Variants in ARID5B observed in about 807,000 individuals in gnomAD.
ARID5B encodes the protein AT-rich interactive domain-containing protein 5B.
In ARID5B, 13 loss-of-function variants were observed where a neutral mutation model predicts 97.2. The observed-to-expected ratio is 0.13, with a 90% CI of 0.09 to 0.21. The LOEUF is 0.21. Among genes scored for constraint, ARID5B ranks in the 10% least tolerant of loss-of-function variants. The pLI is 1.00. For synonymous variants in ARID5B, 556 were observed against 570.3 expected, an observed-to-expected ratio of 0.97 and a Z score of 0.36; for missense variants, 1,210 against 1,465.3, an observed-to-expected ratio of 0.83 and a Z score of 2.84.
At chr10:61,916,209 C>G (rs908047425) in intron 2 of ARID5B, among the ~76,000 whole-genome samples, 2 of 152,076 alleles carry the variant, frequency 1.3e-5, no homozygotes, top group African/African-American at 2.4e-5. Context: ...AGGTGCCACC[C>G]CACCCAGCTA....
chr10:62,077,836 T>C (rs1214694644), intron 8 of ARID5B, among the ~76,000 whole-genome samples: 2 of 152,198 alleles, frequency 1.3e-5, no homozygotes, highest in Non-Finnish European at 2.9e-5. Context: ...TGCACAAACA[T>C]CTTTTCAGTT....
At chr10:61,904,848 C>T (rs1160894780) in intron 2 of ARID5B, among the ~76,000 whole-genome samples, 3 of 152,184 alleles carry the variant, frequency 2.0e-5, no homozygotes, top group Admixed American at 2.0e-4. Flanking sequence ...AAATGTAAAG[C>T]AGGTAGAAAG....
intron 3 of ARID5B, among the ~76,000 whole-genome samples, chr10:61,943,418 ACTC>A (rs1844446750): frequency 1.3e-5 from 2 of 151,644 alleles, no homozygotes; most frequent in Non-Finnish European, 2.9e-5. Flanking sequence ...AACCCTTCCA[ACTC>A]CTCATTGTTC....
Position 61,901,964 on chromosome 10 carries a change from G to T in ARID5B, c.22-195G>T, listed in dbSNP as rs560933175. On this transcript the variant is annotated intron_variant, in intron 1 of 9. Coordinates refer to ENST00000279873, the MANE Select transcript of ARID5B (RefSeq NM_032199.3). Reference sequence around the variant, plus strand: ...GGAGGTGGGTAGAAGTGGCGGTGGGGGGCCCTGAGTTTTTTTTTTTTTTTT... The same window carrying T: ...GGAGGTGGGTAGAAGTGGCGGTGGGTGGCCCTGAGTTTTTTTTTTTTTTTT... 1.4e-4 allele frequency among the ~76,000 whole-genome samples: 21 copies of T among 147,206 alleles called. 1 individual carries two copies. The East Asian group carries it at 2.6e-3, about 18-fold the overall frequency.
intron 4 of ARID5B, among the ~76,000 whole-genome samples, chr10:62,034,479 C>T (rs1839536624): frequency 6.6e-6 from 1 of 152,190 alleles, no homozygotes; most frequent in Non-Finnish European, 1.5e-5. Flanking sequence ...ACATGTTTAG[C>T]TAATGGGTTA....
intron 4 of ARID5B, among the ~76,000 whole-genome samples, chr10:62,037,459 C>T (rs1839580705): frequency 1.3e-5 from 2 of 152,200 alleles, no homozygotes; most frequent in Non-Finnish European, 2.9e-5. Context: ...TCTGCGAAAT[C>T]GGCATAAGAT....
At chr10:62,052,955 T>G (rs1194529841) in intron 5 of ARID5B, among the ~76,000 whole-genome samples, 2 of 152,184 alleles carry the variant, frequency 1.3e-5, no homozygotes, top group Non-Finnish European at 2.9e-5. Context: ...CTGCTTCCAG[T>G]GGGTCTGGCA....
intron 3 of ARID5B, among the ~76,000 whole-genome samples, chr10:61,940,812 G>T (rs1322004257): frequency 6.7e-6 from 1 of 149,856 alleles, no homozygotes; most frequent in Non-Finnish European, 1.5e-5. Context: ...GAGGAAAAGG[G>T]ATGAGTTCCT....
At chr10:61,940,841 C>T (rs1024038378) in intron 3 of ARID5B, among the ~76,000 whole-genome samples, 1 of 142,298 alleles carries the variant, frequency 7.0e-6, no homozygotes, top group East Asian at 2.1e-4. Context: ...AGCAAGAGAA[C>T]AATGTCAAGC....
intron 3 of ARID5B, among the ~76,000 whole-genome samples, chr10:61,948,082 G>A (rs1346830795): frequency 6.6e-6 from 1 of 152,166 alleles, no homozygotes; most frequent in Non-Finnish European, 1.5e-5. Context: ...AGATGTCAGG[G>A]CAGAAGTAGA....
chr10:61,970,300 A>T (rs538234082), intron 3 of ARID5B, among the ~76,000 whole-genome samples: 2 of 152,258 alleles, frequency 1.3e-5, no homozygotes, highest in Non-Finnish European at 1.5e-5. Flanking sequence ...AGCCTTTGGC[A>T]TATGGTCTTT....
At chr10:61,957,143 A>G (rs2132817427) in intron 3 of ARID5B, among the ~76,000 whole-genome samples, 1 of 152,370 alleles carries the variant, frequency 6.6e-6, no homozygotes, top group African/African-American at 2.4e-5. Flanking sequence ...GCTATTGGGC[A>G]TCTGAAATGT....
intron 3 of ARID5B, among the ~76,000 whole-genome samples, chr10:61,969,964 A>G (rs775000896): frequency 2.6e-5 from 4 of 152,232 alleles, no homozygotes; most frequent in Non-Finnish European, 4.4e-5. Flanking sequence ...AGTTTTTAGC[A>G]TATGTTATGG....
chr10:62,047,932 C>T (rs571278713), intron 4 of ARID5B, among the ~76,000 whole-genome samples: 2 of 152,196 alleles, frequency 1.3e-5, no homozygotes, highest in East Asian at 1.9e-4. Flanking sequence ...GTGTTCCATT[C>T]CCCCCACCCC....
intron 3 of ARID5B, among the ~76,000 whole-genome samples, chr10:61,970,958 T>A (rs538768280): frequency 1.8e-3 from 267 of 145,192 alleles, no homozygotes; most frequent in Non-Finnish European, 3.2e-3. Flanking sequence ...GGAGGGGTAT[T>A]AGTTTGCTTT....
intron 9 of ARID5B, 130 bp from the exon 10 acceptor site, chr10:62,090,732 A>T: frequency 8.5e-7 from 1 of 1,178,518 alleles, no homozygotes; most frequent in Non-Finnish European, 1.2e-6. Context: ...ATAAAGCTTT[A>T]CAGAAACTTC....
At chr10:62,052,373 G>T (rs186352269) in intron 5 of ARID5B, among the ~76,000 whole-genome samples, 116 of 152,356 alleles carry the variant, frequency 7.6e-4, no homozygotes, top group African/African-American at 2.6e-3. Context: ...TAGTTTGCAA[G>T]ATCCTGCAGA....
chr10:61,999,102 A>C (rs1037047544), intron 3 of ARID5B, among the ~76,000 whole-genome samples: 9 of 152,196 alleles, frequency 5.9e-5, no homozygotes, highest in Non-Finnish European at 1.3e-4. Flanking sequence ...GGAAAGTCAC[A>C]AGGCCACTGG....
chr10:61,968,215 A>C (rs540249377), intron 3 of ARID5B, among the ~76,000 whole-genome samples: 13 of 138,312 alleles, frequency 9.4e-5, no homozygotes, highest in African/African-American at 3.4e-4. Context: ...CACACACACA[A>C]ACACAGTTTC....
Sources: allele counts gnomAD v4.1 joint callset (sites outside exome capture counted in the v4.1 genomes callset), GRCh38; gene constraint gnomAD v4.1.1; transcripts MANE v1.5; gene names NCBI Gene and HGNC (gene_info 2026-07-23, HGNC 2026-07-21).